The following CNBD1 variants were observed in gnomAD, a reference collection of about 807,000 sequenced individuals.
CNBD1 encodes cyclic nucleotide binding domain containing 1, also known as cyclic nucleotide-binding domain-containing protein 1.
CNBD1 carries 71 observed loss-of-function variants against 54.4 expected under a neutral mutation model. The ratio of observed to expected loss-of-function variants is 1.30; its 90% CI spans 1.08 to 1.59. The LOEUF (loss-of-function observed/expected upper bound fraction) is 1.59, where lower values mean the gene tolerates loss of function less well. Among genes scored for constraint, CNBD1 ranks in the 40% most tolerant of loss-of-function variants. The pLI is 0.00. For missense variants in CNBD1, 659 were observed against 518.0 expected (o/e 1.27, Z -2.64); for synonymous variants, 182 against 170.7 (o/e 1.07, Z -0.51).
intron 2 of CNBD1, among the ~76,000 whole-genome samples, chr8:87,400,212 A>C (rs1046185540): frequency 6.6e-6 from 1 of 152,010 alleles, no homozygotes; most frequent in African/African-American, 2.4e-5. Flanking sequence ...AACTAGATTT[A>C]TGGTTGGTGC....
intron 4 of CNBD1, among the ~76,000 whole-genome samples, chr8:87,079,163 A>G (rs978012148): frequency 3.3e-5 from 5 of 152,068 alleles, no homozygotes; most frequent in Non-Finnish European, 5.9e-5. Flanking sequence ...GCAGATTTTA[A>G]TGTCATCCAA....
At chr8:86,959,935 G>T (rs946285916) in intron 4 of CNBD1, among the ~76,000 whole-genome samples, 2 of 151,184 alleles carry the variant, frequency 1.3e-5, no homozygotes, top group Admixed American at 6.6e-5. Flanking sequence ...GAGGGGCTCT[G>T]ATTTTCAGAA....
rs58299323 is a variant in CNBD1 at position 87,036,594 on chromosome 8, TAAAAAA to T, written c.431+96860_431+96865del. ...GGGCGACAGAGCGAGACTGCATCTC[TAAAAAA>T]AAAAAAAAAAAAAAAAAAAGATTGG... is the stretch of plus-strand genomic sequence containing the variant. On this transcript the variant is annotated intron_variant, in intron 4 of 10. Coordinates refer to ENST00000518476, the MANE Select transcript of CNBD1 (RefSeq NM_173538.3). 4.3e-3 allele frequency among the ~76,000 whole-genome samples: 276 copies of T among 64,738 alleles called. 1 individual carries two copies. The highest frequency in any genetic ancestry group is 0.035 in the Middle Eastern group (3 of 86). 42.5% of individuals were successfully genotyped at this position (64,738 alleles called of 152,430 possible). A position where few individuals can be genotyped will look rare whatever the true frequency, so the allele number is the denominator to read the frequency against.
chr8:87,024,316 T>A (rs1051128492), intron 4 of CNBD1, among the ~76,000 whole-genome samples: 3 of 151,348 alleles, frequency 2.0e-5, no homozygotes, highest in Non-Finnish European at 4.4e-5. Flanking sequence ...TTAAAATTTA[T>A]TTTATTTTAT....
At chr8:87,389,119 T>C (rs752159046) in intron 2 of CNBD1, among the ~76,000 whole-genome samples, 2 of 152,056 alleles carry the variant, frequency 1.3e-5, no homozygotes, top group South Asian at 2.1e-4. Flanking sequence ...TAAGAGCTAT[T>C]TATGACAAAC....
At chr8:87,144,071 G>A (rs1285415796) in intron 4 of CNBD1, among the ~76,000 whole-genome samples, 2 of 152,142 alleles carry the variant, frequency 1.3e-5, no homozygotes, top group Non-Finnish European at 2.9e-5. Context: ...TTGTTCTGAA[G>A]GAAAGTGCAT....
At chr8:87,238,958 T>C (rs932231778) in intron 6 of CNBD1, among the ~76,000 whole-genome samples, 2 of 152,110 alleles carry the variant, frequency 1.3e-5, no homozygotes, top group African/African-American at 2.4e-5. Flanking sequence ...ACGTCTGAGA[T>C]ATTGTACCTT....
At chr8:87,309,407 G>T (rs1809219877) in intron 8 of CNBD1, among the ~76,000 whole-genome samples, 2 of 151,958 alleles carry the variant, frequency 1.3e-5, no homozygotes, top group African/African-American at 2.4e-5. Flanking sequence ...TTTTATTCGG[G>T]TCAACATTTA....
At chr8:87,389,393 T>A (rs1811261246) in intron 2 of CNBD1, among the ~76,000 whole-genome samples, 1 of 152,176 alleles carries the variant, frequency 6.6e-6, no homozygotes, top group Admixed American at 6.5e-5. Flanking sequence ...GATAGGCAAC[T>A]TCAGGAAAGT....
chr8:87,171,645 T>A (rs550196155), intron 4 of CNBD1, among the ~76,000 whole-genome samples: 5 of 151,950 alleles, frequency 3.3e-5, no homozygotes, highest in African/African-American at 1.2e-4. Context: ...TCTTTCTTTT[T>A]TTTTCTTTTT....
intron 4 of CNBD1, among the ~76,000 whole-genome samples, chr8:87,066,726 C>G (rs1810663094): frequency 6.6e-6 from 1 of 151,580 alleles, no homozygotes; most frequent in South Asian, 2.1e-4. Flanking sequence ...TTTATAAATT[C>G]TGTAAAAATT....
chr8:87,245,413 C>T (rs146398410), intron 6 of CNBD1, among the ~76,000 whole-genome samples: 54 of 151,898 alleles, frequency 3.6e-4, no homozygotes, highest in Middle Eastern at 3.4e-3. Context: ...ACATTAACTC[C>T]GATATTTCAT....
intron 4 of CNBD1, among the ~76,000 whole-genome samples, chr8:87,002,858 T>C (rs551011911): frequency 6.6e-6 from 1 of 152,348 alleles, no homozygotes; most frequent in East Asian, 1.9e-4. Context: ...CTCTATGTCT[T>C]TCTTGTTGAC....
chr8:87,202,815 G>A (rs1218506611), intron 4 of CNBD1, among the ~76,000 whole-genome samples: 1 of 152,202 alleles, frequency 6.6e-6, no homozygotes, highest in African/African-American at 2.4e-5. Context: ...ATGCAGATGA[G>A]CATGAGAGCA....
chr8:87,267,798 A>AT (rs750104808), intron 6 of CNBD1, among the ~76,000 whole-genome samples: 1 of 148,306 alleles, frequency 6.7e-6, no homozygotes, highest in East Asian at 2.0e-4. Context: ...TTTTATCATT[A>AT]TTTTTCAATG....
At chr8:87,050,651 C>G (rs920683544) in intron 4 of CNBD1, among the ~76,000 whole-genome samples, 9 of 152,156 alleles carry the variant, frequency 5.9e-5, no homozygotes, top group Non-Finnish European at 1.0e-4. Flanking sequence ...TTCTTTAGGT[C>G]TAAAACCATG....
intron 4 of CNBD1, among the ~76,000 whole-genome samples, chr8:87,196,591 C>G (rs79681416): frequency 0.018 from 2,816 of 152,314 alleles, 97 homozygotes; most frequent in African/African-American, 0.065. Context: ...ACACCAAGGT[C>G]ATGAGTACCT....
downstream of CNBD1, among the ~76,000 whole-genome samples, chr8:87,385,900 G>A (rs1811174163): frequency 6.6e-6 from 1 of 152,078 alleles, no homozygotes; most frequent in Admixed American, 6.5e-5. Context: ...ACATGGCCGG[G>A]TACTCCTCTG....
At chr8:87,355,554 G>A (rs969771262) in intron 10 of CNBD1, among the ~76,000 whole-genome samples, 2 of 152,088 alleles carry the variant, frequency 1.3e-5, no homozygotes, top group African/African-American at 4.8e-5. Flanking sequence ...ATACAATTGA[G>A]TATGAAGGAG....
Sources: allele counts gnomAD v4.1 joint callset (sites outside exome capture counted in the v4.1 genomes callset), GRCh38; gene constraint gnomAD v4.1.1; transcripts MANE v1.5; gene names NCBI Gene and HGNC (gene_info 2026-07-23, HGNC 2026-07-21).